EMP2: variants seen among roughly 807,000 people sequenced by gnomAD.
EMP2 encodes the protein epithelial membrane protein 2.
A neutral mutation model predicts 13.7 loss-of-function variants in EMP2; 19 were observed. The ratio of observed to expected loss-of-function variants is 1.38; its 90% CI spans 0.97 to 2.03. The LOEUF is 2.03. Among genes scored for constraint, EMP2 ranks in the 30% most tolerant of loss-of-function variants. The pLI is 0.00. For synonymous variants in EMP2, 97 were observed against 84.7 expected, an observed-to-expected ratio of 1.15 and a Z score of -0.80; for missense variants, 253 against 220.7, an observed-to-expected ratio of 1.15 and a Z score of -0.93.
At chr16:10,539,692 C>T (rs1038455115) in intron 3 of EMP2, among the ~76,000 whole-genome samples, 3 of 151,884 alleles carry the variant, frequency 2.0e-5, no homozygotes, top group African/African-American at 7.3e-5. Flanking sequence ...CCTGCGTTTC[C>T]TTGTTTGTAA....
At chr16:10,566,739 G>C (rs1280409525) in intron 1 of EMP2, among the ~76,000 whole-genome samples, 2 of 152,134 alleles carry the variant, frequency 1.3e-5, no homozygotes, top group Admixed American at 1.3e-4. Flanking sequence ...TTTCACAGGT[G>C]ACTACCTGTC....
At chr16:10,537,760 CCACACACA>C (rs34979037) in intron 4 of EMP2, among the ~76,000 whole-genome samples, 160 bp downstream of exon 4, 1 of 149,174 alleles carries the variant, frequency 6.7e-6, no homozygotes. Context: ...ATGCATGCGC[CCACACACA>C]CACACACACA....
chr16:10,550,838 G>A (rs2050782261), intron 1 of EMP2, among the ~76,000 whole-genome samples: 1 of 152,062 alleles, frequency 6.6e-6, no homozygotes, highest in South Asian at 2.1e-4. Flanking sequence ...AGCCGGGCGT[G>A]GTGGTGGGCA....
At chr16:10,572,902 T>C (rs563318414) in intron 1 of EMP2, among the ~76,000 whole-genome samples, 13 of 152,292 alleles carry the variant, frequency 8.5e-5, no homozygotes, top group Non-Finnish European at 1.8e-4. Context: ...TGTGATGAGT[T>C]AGAGAAGCTC....
At chr16:10,548,751 C>A (rs1167423276) in intron 1 of EMP2, among the ~76,000 whole-genome samples, 1 of 151,970 alleles carries the variant, frequency 6.6e-6, no homozygotes, top group Non-Finnish European at 1.5e-5. Context: ...CACTCAGACA[C>A]CATTCTTCTT....
Position 10,580,058 on chromosome 16 carries a change from A to G in EMP2, c.-61+491T>C, listed in dbSNP as rs2051016187. 6.6e-6 allele frequency among the ~76,000 whole-genome samples: 1 copy of G among 152,108 alleles called. No individual in the cohort carries two copies. ...GCTCCTCCACCGTTCCTGACCCCCA[A>G]GAAGTCGCTCCTCGCCGCTCGGGGG... On this transcript the variant is annotated intron_variant, in intron 1 of 4. Coordinates refer to ENST00000359543, the MANE Select transcript of EMP2 (RefSeq NM_001424.6). This position sits in a 1 kb window ranked among gnomAD's most constrained non-coding sequence, Gnocchi z 4.3.
intron 3 of EMP2, among the ~76,000 whole-genome samples, chr16:10,542,529 A>G (rs1016644638): frequency 2.0e-5 from 3 of 151,806 alleles, no homozygotes; most frequent in African/African-American, 7.3e-5. Flanking sequence ...ACTAAAAAAC[A>G]GTACTTATTG....
At chr16:10,533,423 C>A (rs145166667) in intron 4 of EMP2, among the ~76,000 whole-genome samples, 5 of 152,182 alleles carry the variant, frequency 3.3e-5, no homozygotes, top group African/African-American at 1.2e-4. Flanking sequence ...TGTCACCTAC[C>A]CTGTAGCTAT....
chr16:10,579,623 G>A (rs1160389581), intron 1 of EMP2, among the ~76,000 whole-genome samples: 1 of 151,732 alleles, frequency 6.6e-6, no homozygotes, highest in Non-Finnish European at 1.5e-5. Flanking sequence ...CATAAAAGTG[G>A]AATCACACTG....
At chr16:10,543,494 G>A (rs1472141299) in intron 3 of EMP2, 76 bp downstream of exon 3, 1 of 1,530,154 alleles carries the variant, frequency 6.5e-7, no homozygotes, top group Non-Finnish European at 9.1e-7. Context: ...ACGGAGTCGG[G>A]GAACCCGAAG....
chr16:10,572,729 A>G (rs1361721463), intron 1 of EMP2, among the ~76,000 whole-genome samples: 3 of 152,168 alleles, frequency 2.0e-5, no homozygotes, highest in African/African-American at 7.2e-5. Flanking sequence ...ATGTCTGTAC[A>G]CAGCCCACCT....
At chr16:10,562,155 A>G (rs2050875774) in intron 1 of EMP2, among the ~76,000 whole-genome samples, 1 of 152,166 alleles carries the variant, frequency 6.6e-6, no homozygotes, top group South Asian at 2.1e-4. Context: ...CATGTGCATG[A>G]GTGAAAAAAA....
At chr16:10,578,649 G>A (rs8044102) in intron 1 of EMP2, among the ~76,000 whole-genome samples, 9,021 of 152,256 alleles carry the variant, frequency 0.059, 887 homozygotes, top group African/African-American at 0.2. Flanking sequence ...GGTCGACTCC[G>A]TGGTTTCCAA....
chr16:10,558,773 C>T (rs1271976873), intron 1 of EMP2, among the ~76,000 whole-genome samples: 2 of 152,034 alleles, frequency 1.3e-5, no homozygotes, highest in African/African-American at 4.8e-5. Context: ...GGCACATGCT[C>T]CTTTACGTGC....
chr16:10,573,928 AC>A (rs1193693626), intron 1 of EMP2, among the ~76,000 whole-genome samples: 6 of 139,452 alleles, frequency 4.3e-5, no homozygotes, highest in African/African-American at 1.6e-4. Flanking sequence ...CAATGGATAA[AC>A]CTTTTTTTTT....
At chr16:10,577,992 A>T (rs2050995959) in intron 1 of EMP2, 1 of 132,190 alleles carries the variant, frequency 7.6e-6, no homozygotes, top group South Asian at 2.7e-4. Context: ...TCCCGGCAAA[A>T]GGAGGGAGGC....
At chr16:10,547,406 A>T in intron 2 of EMP2, 134 bp downstream of exon 2, 1 of 952,644 alleles carries the variant, frequency 1.0e-6, no homozygotes, top group Non-Finnish European at 1.6e-6. Context: ...TGAGTCCATT[A>T]GACCTCATTT....
chr16:10,565,293 G>A (rs1483033562), intron 1 of EMP2, among the ~76,000 whole-genome samples: 4 of 152,154 alleles, frequency 2.6e-5, no homozygotes, highest in African/African-American at 9.7e-5. Flanking sequence ...AGGTGCTTTG[G>A]GATGAGATTC....
intron 1 of EMP2, among the ~76,000 whole-genome samples, 169 bp from the exon 2 acceptor site, chr16:10,547,846 A>ACTTATAG (rs2050751606): frequency 6.6e-6 from 1 of 152,054 alleles, no homozygotes; most frequent in South Asian, 2.1e-4. Context: ...CAGCCCAGGC[A>ACTTATAG]ACATAGTAAG....
Sources: gnomAD v4.1 joint callset for allele counts (sites outside exome capture counted in the v4.1 genomes callset) on GRCh38, gnomAD v4.1.1 for gene constraint, Gnocchi (gnomAD v3.1) non-coding constraint, MANE v1.5 for transcripts, NCBI Gene and HGNC (gene_info 2026-07-23, HGNC 2026-07-21) for gene names.